MTAP: variants seen among roughly 807,000 people sequenced by gnomAD.
MTAP encodes the protein S-methyl-5'-thioadenosine phosphorylase.
A neutral mutation model predicts 33.6 loss-of-function variants in MTAP; 33 were observed. The observed-to-expected ratio is 0.98, with a 90% CI of 0.74 to 1.31. The LOEUF is 1.31. Among genes scored for constraint, MTAP ranks in the 40% most tolerant of loss-of-function variants. The pLI, the probability that MTAP is intolerant of heterozygous loss-of-function variation, is 0.00. For synonymous variants in MTAP, 148 were observed against 125.7 expected (o/e 1.18, Z -1.19); for missense variants, 367 against 360.0 (o/e 1.02, Z -0.16).
At chr9:21,820,745 A>G (rs200405733) in intron 4 of MTAP, among the ~76,000 whole-genome samples, 1 of 152,046 alleles carries the variant, frequency 6.6e-6, no homozygotes, top group Non-Finnish European at 1.5e-5. Context: ...TATTGATTCT[A>G]CCTATCCATG....
At chr9:21,899,470 C>G (rs1205852638) in intron 1 of MTAP, among the ~76,000 whole-genome samples, 2 of 151,950 alleles carry the variant, frequency 1.3e-5, no homozygotes, top group African/African-American at 2.4e-5. Context: ...AAAGAAAGAA[C>G]TGCCCAAGAT....
chr9:21,890,551 C>G (rs1164322919), intron 1 of MTAP, among the ~76,000 whole-genome samples: 1 of 152,190 alleles, frequency 6.6e-6, no homozygotes, highest in African/African-American at 2.4e-5. Context: ...ATTCCACTGG[C>G]AGCCCTCCCC....
At chr9:21,867,251 T>G (rs10123410), downstream of MTAP, among the ~76,000 whole-genome samples, 3,665 of 152,298 alleles carry the variant, frequency 0.024, 142 homozygotes, top group African/African-American at 0.081. Context: ...GTTACTCTTG[T>G]CTTATTCTCA....
chr9:21,837,245 G>A (rs1825134325), intron 4 of MTAP, among the ~76,000 whole-genome samples: 1 of 152,158 alleles, frequency 6.6e-6, no homozygotes, highest in Admixed American at 6.5e-5. Flanking sequence ...TAAATATGGA[G>A]CAAGACAAGT....
intron 5 of MTAP, among the ~76,000 whole-genome samples, chr9:21,854,409 A>C (rs1244097377): frequency 6.6e-6 from 1 of 152,228 alleles, no homozygotes; most frequent in Admixed American, 6.5e-5. Context: ...TAGTTTCTAC[A>C]TGCAAAGGGC....
chr9:21,830,274 C>G (rs1291175591), intron 4 of MTAP, among the ~76,000 whole-genome samples: 3 of 152,066 alleles, frequency 2.0e-5, no homozygotes, highest in African/African-American at 4.8e-5. Flanking sequence ...TGCCATAGGC[C>G]CTGGGCTCTG....
chr9:21,887,719 G>T (rs1403424595), intron 1 of MTAP, among the ~76,000 whole-genome samples: 1 of 152,186 alleles, frequency 6.6e-6, no homozygotes, highest in African/African-American at 2.4e-5. Context: ...CTAGTTTACA[G>T]TCCCACCAAC....
chr9:21,933,003 A>C (rs1454528136), downstream of MTAP: 1 of 152,248 alleles, frequency 6.6e-6, no homozygotes, highest in Non-Finnish European at 1.5e-5. Flanking sequence ...AGAATAAACC[A>C]GCTGGGCTTT....
At chr9:21,929,601 T>C in intron 1 of MTAP, 1 of 342,000 alleles carries the variant, frequency 2.9e-6, no homozygotes, top group Non-Finnish European at 6.2e-6. Flanking sequence ...GTACTAGCTC[T>C]TCCTCTAAAA....
At chr9:21,913,490 C>G (rs538661716) in intron 1 of MTAP, among the ~76,000 whole-genome samples, 86 of 151,256 alleles carry the variant, frequency 5.7e-4, no homozygotes, top group African/African-American at 2.0e-3. Context: ...CTACAACCAT[C>G]TGATCTTTGA....
intron 1 of MTAP, chr9:21,803,134 C>G: frequency 2.3e-6 from 1 of 442,514 alleles, no homozygotes; most frequent in East Asian, 3.6e-5. Context: ...ATGCCACCAC[C>G]ATTCCTGAGA....
At chr9:21,924,238 T>G (rs2131037396) in intron 1 of MTAP, among the ~76,000 whole-genome samples, 1 of 152,314 alleles carries the variant, frequency 6.6e-6, no homozygotes, top group African/African-American at 2.4e-5. Flanking sequence ...TTTTTCCTTT[T>G]TTTCTCCTTT....
intron 4 of MTAP, among the ~76,000 whole-genome samples, chr9:21,831,031 T>G (rs78173374): frequency 0.013 from 1,944 of 152,356 alleles, 21 homozygotes; most frequent in Non-Finnish European, 0.019. Context: ...GGCATTTTGT[T>G]GTCTCCTCCT....
At chr9:21,816,891 C>T (rs1029219671) in intron 3 of MTAP, 119 bp downstream of exon 3, 3 of 768,188 alleles carry the variant, frequency 3.9e-6, no homozygotes, top group Non-Finnish European at 6.2e-6. Context: ...ATCAGAACAT[C>T]TTAGTAACCT....
chr9:21,916,447 T>C (rs1399370556), intron 1 of MTAP, among the ~76,000 whole-genome samples: 2 of 151,772 alleles, frequency 1.3e-5, no homozygotes, highest in Non-Finnish European at 2.9e-5. Flanking sequence ...CCATCTCTAC[T>C]AGAAATACAA....
chr9:21,914,834 A>T (rs978206899), intron 1 of MTAP, among the ~76,000 whole-genome samples: 5 of 151,514 alleles, frequency 3.3e-5, no homozygotes, highest in South Asian at 4.2e-4. Flanking sequence ...TATAGATAAT[A>T]TGGTAAATAA....
rs542697714 is a variant in MTAP, at chr9:21,820,507, T to C, written c.347+2305T>C. Among the ~76,000 whole-genome samples, 306 of 152,324 alleles carry C rather than the reference T, an allele frequency of 2.0e-3. 1 individual carries two copies. The highest frequency in any genetic ancestry group is 6.8e-3 in the African/African-American group (284 of 41,576). ...GTTCTGTTCCATTGGTCTATATCTG[T>C]TTTGGTACCAGTACCACGCTGTTTT... is the stretch of plus-strand genomic sequence containing the variant. On this transcript the variant is annotated intron_variant, in intron 4 of 7. Coordinates refer to ENST00000644715, the MANE Select transcript of MTAP (RefSeq NM_002451.4).
In MTAP at chr9:21,864,869, G is replaced by A. The variant is rs898336035; in HGVS notation, c.*2855G>A. The A allele has an allele frequency of 3.1e-5, 31 of 985,336 alleles. No homozygotes were observed. Among genetic ancestry groups the A allele is most frequent in the Admixed American group, 1.2e-4 (2 of 16,264 alleles). 61.0% of individuals were successfully genotyped at this position (985,336 alleles called of 1,614,324 possible). The stretch of plus-strand genomic sequence containing the variant: ...CCTCTTCTCTGGCTGCTACCTCAGG[G>A]CATGGTTGTGGCCCCACCAACACCT... On this transcript the variant is annotated 3_prime_UTR_variant, in exon 8 of 8. Coordinates refer to ENST00000644715, the MANE Select transcript of MTAP (RefSeq NM_002451.4).
Position 21,822,463 on chromosome 9 carries a change from G to A in MTAP, c.347+4261G>A, listed in dbSNP as rs550490465. ...TTTTGGGTGAGTTTCTTAATCCTGA[G>A]TTCTAGTTTGATTGCACTGTGGTCT... On this transcript the variant is annotated intron_variant, in intron 4 of 7. Coordinates refer to ENST00000644715, the MANE Select transcript of MTAP (RefSeq NM_002451.4). 3.0e-4 allele frequency among the ~76,000 whole-genome samples: 46 copies of A among 152,298 alleles called. No homozygotes were observed. The South Asian group carries it at 7.3e-3, about 24-fold the overall frequency.
Sources: gnomAD v4.1 joint callset for allele counts (sites outside exome capture counted in the v4.1 genomes callset) on GRCh38, gnomAD v4.1.1 for gene constraint, MANE v1.5 for transcripts, NCBI Gene and HGNC (gene_info 2026-07-23, HGNC 2026-07-21) for gene names.